VPS8: variants seen among roughly 807,000 people sequenced by gnomAD.
The protein encoded by VPS8 is vacuolar protein sorting-associated protein 8 homolog.
VPS8 carries 129 observed loss-of-function variants against 216.4 expected under a neutral mutation model. The observed-to-expected ratio is 0.60, with a 90% CI of 0.52 to 0.69. The LOEUF (loss-of-function observed/expected upper bound fraction) is 0.69, where lower values mean the gene tolerates loss of function less well. Among genes scored for constraint, VPS8 ranks in the 30% least tolerant of loss-of-function variants. VPS8 has a pLI of 0.00. For missense variants in VPS8, 1,531 were observed against 1,683.5 expected (o/e 0.91, Z 1.59); for synonymous variants, 571 against 565.4 (o/e 1.01, Z -0.14).
At chr3:184,825,648 T>A (rs1458740227) in intron 2 of VPS8, among the ~76,000 whole-genome samples, 6 of 152,232 alleles carry the variant, frequency 3.9e-5, no homozygotes, top group Admixed American at 2.6e-4. Flanking sequence ...ACGCCTGTGA[T>A]TCCAGCACTT....
Position 184,824,548 on chromosome 3 carries a change from TAATC to T in VPS8, c.-83_-80del. The T allele has an allele frequency of 5.1e-6, 7 of 1,379,212 alleles. No homozygotes were observed. Among genetic ancestry groups the T allele is most frequent in the Non-Finnish European group, 6.9e-6 (7 of 1,012,118 alleles). The allele number at this position is 1,379,212 out of a possible 1,614,324, so 85.4% of individuals were successfully genotyped here. On this transcript the variant is annotated 5_prime_UTR_variant, in exon 2 of 48. It introduces an in-frame stop codon into an upstream open reading frame of the 5' UTR. Transcript: ENST00000625842. ...GTTTTTTTCTTTTTTTGAAAAGAGA[TAATC>T]ATTCAGGTCTTCGTGAGCTAAGGCC...
chr3:184,910,681 C>T (rs1203171448), intron 25 of VPS8, among the ~76,000 whole-genome samples: 1 of 152,178 alleles, frequency 6.6e-6, no homozygotes, highest in Non-Finnish European at 1.5e-5. Context: ...ATTCCATATT[C>T]GTGGTTCCCT....
At chr3:184,854,409 A>C (rs1003323949) in intron 13 of VPS8, among the ~76,000 whole-genome samples, 2 of 152,150 alleles carry the variant, frequency 1.3e-5, no homozygotes, top group African/African-American at 2.4e-5. Context: ...TTATCACTTT[A>C]AGCTTTTCTC....
intron 38 of VPS8, among the ~76,000 whole-genome samples, chr3:184,965,271 G>A (rs989114131): frequency 2.6e-5 from 4 of 152,174 alleles, no homozygotes; most frequent in Non-Finnish European, 5.9e-5. Context: ...TCTAAAATAA[G>A]CCAGGAAGAA....
At chr3:184,843,330 G>A (rs1722533207) in intron 8 of VPS8, 85 bp downstream of exon 8, 1 of 1,026,236 alleles carries the variant, frequency 9.7e-7, no homozygotes, top group Non-Finnish European at 1.3e-6. Context: ...TATAGTCAAT[G>A]TCCTCTTACG....
chr3:185,027,315 T>C (rs1360746057), intron 46 of VPS8, among the ~76,000 whole-genome samples: 1 of 143,508 alleles, frequency 7.0e-6, no homozygotes, highest in Non-Finnish European at 1.5e-5. Flanking sequence ...CGATCTCGGC[T>C]CACTGCAAGC....
intron 22 of VPS8, among the ~76,000 whole-genome samples, chr3:184,888,593 T>C (rs1731745863): frequency 6.6e-6 from 1 of 152,218 alleles, no homozygotes; most frequent in East Asian, 1.9e-4. Flanking sequence ...GTTTTACATA[T>C]TCTACTTAAC....
chr3:185,010,345 A>G (rs1368155151), intron 45 of VPS8, among the ~76,000 whole-genome samples: 3 of 152,236 alleles, frequency 2.0e-5, no homozygotes, highest in Non-Finnish European at 2.9e-5. Flanking sequence ...CTAGTATTTG[A>G]TCAAAAATTA....
intron 25 of VPS8, among the ~76,000 whole-genome samples, chr3:184,904,295 T>A (rs1381569751): frequency 6.6e-6 from 1 of 152,212 alleles, no homozygotes; most frequent in Non-Finnish European, 1.5e-5. Context: ...CGTCTTTTTG[T>A]TTTCCTGATA....
At chr3:184,930,664 G>A in intron 34 of VPS8, 96 bp downstream of exon 34, 3 of 836,698 alleles carry the variant, frequency 3.6e-6, no homozygotes, top group Non-Finnish European at 5.9e-6. Flanking sequence ...ATCATATTAA[G>A]TTGATTTAAT....
chr3:184,909,343 A>G (rs1736069091), intron 25 of VPS8, among the ~76,000 whole-genome samples: 2 of 152,210 alleles, frequency 1.3e-5, no homozygotes, highest in Admixed American at 1.3e-4. Context: ...CCAATTTGAC[A>G]GTTTTTACCA....
chr3:184,866,765 C>T (rs980682911), intron 16 of VPS8, 111 bp from the exon 17 acceptor site: 11 of 945,914 alleles, frequency 1.2e-5, no homozygotes, highest in African/African-American at 5.0e-5. Flanking sequence ...AAACTATAAT[C>T]ACTAAAAAAG....
chr3:185,004,595 A>G (rs1423217456), intron 45 of VPS8, among the ~76,000 whole-genome samples: 1 of 152,002 alleles, frequency 6.6e-6, no homozygotes, highest in African/African-American at 2.4e-5. Context: ...TTGCGGTTTC[A>G]ATTTGCATTT....
chr3:184,954,639 C>T (rs1025173266), intron 36 of VPS8, among the ~76,000 whole-genome samples: 21 of 152,304 alleles, frequency 1.4e-4, no homozygotes, highest in African/African-American at 4.8e-4. Context: ...TCTAATTTCT[C>T]CATGTAGGAC....
chr3:185,049,959 C>T (rs1391499866), intron 47 of VPS8, among the ~76,000 whole-genome samples: 1 of 152,110 alleles, frequency 6.6e-6, no homozygotes, highest in African/African-American at 2.4e-5. Context: ...TCACCCCCAT[C>T]CCTTTCCAGC....
intron 36 of VPS8, among the ~76,000 whole-genome samples, chr3:184,955,365 A>G (rs1403326781): frequency 2.6e-5 from 4 of 152,172 alleles, no homozygotes; most frequent in Non-Finnish European, 5.9e-5. Context: ...AGTGCATAGA[A>G]GAAAACGCTG....
intron 28 of VPS8, among the ~76,000 whole-genome samples, chr3:184,917,844 A>G (rs753950620): frequency 3.3e-5 from 5 of 152,204 alleles, no homozygotes; most frequent in Non-Finnish European, 7.3e-5. Flanking sequence ...CAAAATGCAT[A>G]GATTGGGTGG....
chr3:184,975,245 T>C (rs1013344209), intron 40 of VPS8, among the ~76,000 whole-genome samples: 1 of 152,174 alleles, frequency 6.6e-6, no homozygotes, highest in Admixed American at 6.5e-5. Flanking sequence ...TAGTTTTCCA[T>C]ATAAAGGTCT....
chr3:184,924,837 A>G, intron 29 of VPS8, 25 bp from the exon 30 acceptor site: 2 of 1,597,594 alleles, frequency 1.3e-6, no homozygotes, highest in Non-Finnish European at 1.7e-6. Context: ...GGTGTATTGA[A>G]TAAATGGTCT....
Sources: allele counts gnomAD v4.1 joint callset (sites outside exome capture counted in the v4.1 genomes callset), GRCh38; gene constraint gnomAD v4.1.1; transcripts MANE v1.5; gene names NCBI Gene and HGNC (gene_info 2026-07-23, HGNC 2026-07-21).